TIMD4: variants seen among roughly 807,000 people sequenced by gnomAD.
The protein encoded by TIMD4 is T-cell immunoglobulin and mucin domain-containing protein 4.
TIMD4 carries 31 observed loss-of-function variants against 41.2 expected under a neutral mutation model. The ratio of observed to expected loss-of-function variants is 0.75; its 90% CI spans 0.57 to 1.01. TIMD4 has a LOEUF of 1.01. Ranked by LOEUF, TIMD4 falls within the 50% of genes least tolerant of loss-of-function variation. The pLI is 0.00. For missense variants in TIMD4, 479 were observed against 472.5 expected, an observed-to-expected ratio of 1.01 and a Z score of -0.13; for synonymous variants, 204 against 177.1, an observed-to-expected ratio of 1.15 and a Z score of -1.21.
chr5:156,940,755 G>A (rs1344075525), intron 5 of TIMD4, among the ~76,000 whole-genome samples: 4 of 152,098 alleles, frequency 2.6e-5, no homozygotes, highest in African/African-American at 4.8e-5. Flanking sequence ...GTCTCCACCC[G>A]GCTGCCCCAT....
In TIMD4 at chr5:156,940,015, T is replaced by C. The variant is rs1372562328; in HGVS notation, c.844+8401A>G. Among the ~76,000 whole-genome samples the C allele has an allele frequency of 2.6e-5, 4 of 152,256 alleles. No homozygotes were observed. The East Asian group carries it at 7.7e-4, about 29-fold the overall frequency. On this transcript the variant is annotated intron_variant, in intron 5 of 8. Transcript: ENST00000274532. ...CACGGTCTCCCTCTGTTGCCGAGGC[T>C]GGACTGTACTGCCGCGATCTCGGCT...
intron 1 of TIMD4, among the ~76,000 whole-genome samples, chr5:156,961,530 C>T (rs773696317): frequency 2.1e-4 from 32 of 152,114 alleles, no homozygotes; most frequent in Admixed American, 3.9e-4. Context: ...TGGCCAGGTG[C>T]GGTGACTCAC....
intron 6 of TIMD4, among the ~76,000 whole-genome samples, chr5:156,923,594 G>A (rs1298479689): frequency 2.0e-5 from 3 of 151,672 alleles, no homozygotes; most frequent in Admixed American, 6.6e-5. Context: ...CTGGAGTGCA[G>A]TGGCAATGAT....
intron 5 of TIMD4, among the ~76,000 whole-genome samples, chr5:156,947,156 C>A (rs28685055): frequency 0.014 from 2,158 of 151,946 alleles, 54 homozygotes; most frequent in African/African-American, 0.048. Flanking sequence ...GGAGATCGCA[C>A]CACTGCACTC....
At chr5:156,945,537 T>C (rs1759723069) in intron 5 of TIMD4, among the ~76,000 whole-genome samples, 1 of 152,134 alleles carries the variant, frequency 6.6e-6, no homozygotes, top group South Asian at 2.1e-4. Context: ...ACCTAATGCA[T>C]AGGTAAATCC....
At chr5:156,959,301 T>C (rs1287283841) in intron 1 of TIMD4, among the ~76,000 whole-genome samples, 1 of 152,196 alleles carries the variant, frequency 6.6e-6, no homozygotes, top group African/African-American at 2.4e-5. Context: ...AGGAAAGCCA[T>C]GATAATCCTG....
In TIMD4 at chr5:156,948,504, G is replaced by T. The variant is rs1759789342; in HGVS notation, c.761-5C>A. The T allele has an allele frequency of 6.5e-7, 1 of 1,537,242 alleles. No individual in the cohort carries two copies. Among genetic ancestry groups the T allele is most frequent in the Non-Finnish European group, 8.7e-7 (1 of 1,145,002 alleles). On this transcript the variant is annotated splice_polypyrimidine_tract_variant and splice_region_variant and intron_variant, in intron 4 of 8. Transcript: ENST00000274532. Reference sequence around the variant, plus strand: ...GGAGATCCCAAACTTTGGACTCTTTGGAAAAACAAAGGAAAACAGAAAACA... The same window carrying T: ...GGAGATCCCAAACTTTGGACTCTTTTGAAAAACAAAGGAAAACAGAAAACA...
At chr5:156,949,448 TC>T (rs1759810885) in intron 4 of TIMD4, among the ~76,000 whole-genome samples, 1 of 151,170 alleles carries the variant, frequency 6.6e-6, no homozygotes, top group African/African-American at 2.4e-5. Context: ...CTCCTCCTCC[TC>T]CTCCTTCTCT....
intron 1 of TIMD4, among the ~76,000 whole-genome samples, chr5:156,956,658 T>C (rs930395992): frequency 1.3e-5 from 2 of 152,260 alleles, no homozygotes; most frequent in Admixed American, 6.5e-5. Context: ...CTGTTAAAAA[T>C]GTTAAGCCCA....
At chr5:156,959,974 C>A (rs1458085047) in intron 1 of TIMD4, among the ~76,000 whole-genome samples, 2 of 151,724 alleles carry the variant, frequency 1.3e-5, no homozygotes, top group East Asian at 3.9e-4. Context: ...GCCTGGGAGG[C>A]AGAAGTTGCA....
chr5:156,954,377 C>A, intron 2 of TIMD4, 38 bp downstream of exon 2: 1 of 1,576,324 alleles, frequency 6.3e-7, no homozygotes, highest in Non-Finnish European at 8.6e-7. Context: ...ACCACTGAAT[C>A]TCTCCTTCCG....
intron 8 of TIMD4, 24 bp from the exon 9 acceptor site, chr5:156,919,565 A>T: frequency 6.3e-7 from 1 of 1,590,654 alleles, no homozygotes; most frequent in Non-Finnish European, 8.6e-7. Context: ...AGAGGGGCTC[A>T]TAATGGGAAA....
intron 2 of TIMD4, among the ~76,000 whole-genome samples, chr5:156,952,045 T>G (rs1178894684): frequency 6.6e-6 from 1 of 152,092 alleles, no homozygotes; most frequent in African/African-American, 2.4e-5. Context: ...ATCCCAGCAC[T>G]TTGGGAGGCC....
intron 1 of TIMD4, among the ~76,000 whole-genome samples, chr5:156,960,888 G>A (rs746189989): frequency 2.6e-5 from 4 of 152,230 alleles, no homozygotes; most frequent in Non-Finnish European, 5.9e-5. Flanking sequence ...CTCCAAGGAG[G>A]ATGCGAACTC....
At chr5:156,934,729 T>G (rs1181990294) in intron 5 of TIMD4, among the ~76,000 whole-genome samples, 2 of 152,190 alleles carry the variant, frequency 1.3e-5, no homozygotes, top group African/African-American at 4.8e-5. Context: ...AAAAATGTTC[T>G]TAACGAATCT....
chr5:156,923,596 G>C (rs1759292474), intron 6 of TIMD4, among the ~76,000 whole-genome samples: 1 of 151,348 alleles, frequency 6.6e-6, no homozygotes, highest in Non-Finnish European at 1.5e-5. Flanking sequence ...GGAGTGCAGT[G>C]GCAATGATTA....
intron 1 of TIMD4, among the ~76,000 whole-genome samples, chr5:156,956,286 G>C (rs1759968468): frequency 6.6e-6 from 1 of 151,996 alleles, no homozygotes; most frequent in Non-Finnish European, 1.5e-5. Flanking sequence ...GTTAACGTTA[G>C]AGCTAGAAGG....
At chr5:156,935,518 G>A (rs1406295106) in intron 5 of TIMD4, 3 of 152,142 alleles carry the variant, frequency 2.0e-5, no homozygotes, top group African/African-American at 7.2e-5. Flanking sequence ...TAGTTCCAAG[G>A]GAAGAATTGG....
In TIMD4 at chr5:156,926,276, GTTGTT is replaced by G; in HGVS notation, c.876_880del (p.Lys292AsnfsTer16). ...CAGATTTTTTACCTGTCCTGTTTTT[GTTGTT>G]TTGTTCTGCTCAGGAACTGCTGTAT... On this transcript the variant is annotated frameshift_variant, in exon 6 of 9. Coordinates refer to ENST00000274532, the MANE Select transcript of TIMD4 (RefSeq NM_138379.3). LOFTEE classifies it high-confidence loss of function. 6.2e-7 allele frequency: 1 copy of G among 1,613,400 alleles called. No individual in the cohort carries two copies. Among genetic ancestry groups the G allele is most frequent in the African/African-American group, 1.3e-5 (1 of 74,988 alleles).
Sources: gnomAD v4.1 joint callset for allele counts (sites outside exome capture counted in the v4.1 genomes callset) on GRCh38, gnomAD v4.1.1 for gene constraint, MANE v1.5 for transcripts, NCBI Gene and HGNC (gene_info 2026-07-23, HGNC 2026-07-21) for gene names.